Variants in PHF21A observed in about 807,000 individuals in gnomAD.
The protein encoded by PHF21A is BHC80a.
A neutral mutation model predicts 82.5 loss-of-function variants in PHF21A; 11 were observed. That is an observed-to-expected ratio of 0.13 (90% confidence interval 0.08 to 0.22). The LOEUF (loss-of-function observed/expected upper bound fraction) is 0.22. Among genes scored for constraint, PHF21A ranks in the 10% least tolerant of loss-of-function variants. The pLI, the probability that PHF21A is intolerant of heterozygous loss-of-function variation, is 1.00. For missense variants in PHF21A, 579 were observed against 837.8 expected (o/e 0.69, Z 3.81); for synonymous variants, 297 against 302.8 (o/e 0.98, Z 0.20).
At chr11:45,986,021 T>G (rs2094477766) in intron 6 of PHF21A, among the ~76,000 whole-genome samples, 1 of 151,452 alleles carries the variant, frequency 6.6e-6, no homozygotes, top group South Asian at 2.1e-4. Context: ...ATCATGGTAT[T>G]GATTAGACTT....
At chr11:46,033,594 C>T (rs1425745988) in intron 6 of PHF21A, among the ~76,000 whole-genome samples, 1 of 152,152 alleles carries the variant, frequency 6.6e-6, no homozygotes, top group East Asian at 1.9e-4. Flanking sequence ...AAGGCTGCTA[C>T]AAATATTCTC....
chr11:46,057,334 T>C (rs1400754079), intron 6 of PHF21A, among the ~76,000 whole-genome samples: 2 of 152,162 alleles, frequency 1.3e-5, no homozygotes, highest in African/African-American at 4.8e-5. Flanking sequence ...GGATTCCTCA[T>C]TTAAACCAAA....
chr11:45,998,967 C>T (rs1276516917), intron 6 of PHF21A, among the ~76,000 whole-genome samples: 1 of 152,084 alleles, frequency 6.6e-6, no homozygotes, highest in Non-Finnish European at 1.5e-5. Context: ...GCTGGGATTA[C>T]AGGCACCTGC....
rs58644528 is a variant in PHF21A at position 45,964,200 on chromosome 11, A to AAATAATAATAATAATAATAATAAT, written c.996+1091_996+1114dup. Among the ~76,000 whole-genome samples the AAATAATAATAATAATAATAATAAT allele has an allele frequency of 2.1e-3, 277 of 134,604 alleles. 2 individuals carry two copies. The highest frequency in any genetic ancestry group is 2.5e-3 in the Non-Finnish European group (161 of 63,738). 88.3% of individuals were successfully genotyped at this position (134,604 alleles called of 152,430 possible). A position where few individuals can be genotyped will look rare whatever the true frequency, so the allele number is the denominator to read the frequency against. Reference sequence around the variant, plus strand: ...GCAACAAGAGTGAAACTCCATCTCAAAATAATAATAATAATAATAATAATA... The same window carrying AAATAATAATAATAATAATAATAAT: ...GCAACAAGAGTGAAACTCCATCTCAAAATAATAATAATAATAATAATAATAATAATAATAATAATAATAATAATA... On this transcript the variant is annotated intron_variant, in intron 10 of 18. Coordinates refer to ENST00000676320, the MANE Select transcript of PHF21A (RefSeq NM_001352027.3).
rs371914854 is a variant in PHF21A, at chr11:45,951,807, A to ATTT, written c.1096-1553_1096-1551dup. Reference sequence around the variant, plus strand: ...AAAAATGTCCTCTCTTGTGGAATAAATTTTTTTTTTTTTTTTTGAGGCGGA... The same window carrying ATTT: ...AAAAATGTCCTCTCTTGTGGAATAAATTTTTTTTTTTTTTTTTTTTGAGGCGGA... On this transcript the variant is annotated intron_variant, in intron 11 of 18. Coordinates refer to ENST00000676320, the MANE Select transcript of PHF21A (RefSeq NM_001352027.3). 2.0e-4 allele frequency among the ~76,000 whole-genome samples: 25 copies of ATTT among 124,336 alleles called. 1 individual carries two copies. Among genetic ancestry groups the ATTT allele is most frequent in the East Asian group, 2.3e-4 (1 of 4,266 alleles). 81.6% of individuals were successfully genotyped at this position (124,336 alleles called of 152,430 possible). A position where few individuals can be genotyped will look rare whatever the true frequency, so the allele number is the denominator to read the frequency against.
chr11:46,060,885 C>A (rs1307416233), intron 6 of PHF21A, among the ~76,000 whole-genome samples: 1 of 152,178 alleles, frequency 6.6e-6, no homozygotes, highest in African/African-American at 2.4e-5. Flanking sequence ...AATCTGTGCC[C>A]ATGCTTATGT....
At chr11:46,072,988 C>G (rs2096672028) in intron 6 of PHF21A, among the ~76,000 whole-genome samples, 1 of 152,148 alleles carries the variant, frequency 6.6e-6, no homozygotes, top group South Asian at 2.1e-4. Context: ...ATCAAAAAAT[C>G]AGGGTGTGGG....
chr11:46,104,226 C>T (rs1056869455), intron 1 of PHF21A, among the ~76,000 whole-genome samples: 1 of 152,156 alleles, frequency 6.6e-6, no homozygotes, highest in Non-Finnish European at 1.5e-5. Context: ...CTAGTTGTTA[C>T]ACCCAAGCAT....
chr11:45,992,898 G>A (rs1323769568), intron 6 of PHF21A, among the ~76,000 whole-genome samples: 1 of 152,180 alleles, frequency 6.6e-6, no homozygotes, highest in Non-Finnish European at 1.5e-5. Context: ...AGGATAAACT[G>A]AAATCCGTTC....
intron 3 of PHF21A, 104 bp from the exon 4 acceptor site, chr11:46,084,406 G>A: frequency 2.3e-6 from 1 of 440,908 alleles, no homozygotes. Flanking sequence ...CTCTAACGCA[G>A]GGCAAGAAAT....
At chr11:45,948,442 T>C (rs575251342) in intron 14 of PHF21A, among the ~76,000 whole-genome samples, 84 of 152,352 alleles carry the variant, frequency 5.5e-4, no homozygotes, top group Middle Eastern at 3.4e-3. Context: ...CTTTCCTTCC[T>C]GGAAAGTCTG....
At chr11:45,981,940 C>CTTTTTTTTTTTTTTTTTTTTT (rs754937092) in intron 6 of PHF21A, among the ~76,000 whole-genome samples, 14 of 78,278 alleles carry the variant, frequency 1.8e-4, no homozygotes, top group East Asian at 4.5e-4. Context: ...TTTTGTTTTT[C>CTTTTTTTTTTTTTTTTTTTTT]TTTTTTTTTT....
At position 46,091,129 on chromosome 11, in the gene PHF21A, G is replaced by A. The variant is rs562341944; in HGVS notation, c.-195-563C>T. On this transcript the variant is annotated intron_variant, in intron 2 of 18. Transcript: ENST00000676320. ...ATGTTCAAATCCCAGTCCCCAAAAG[G>A]AAGAGAGACACCACAAGCACCATAA... Among the ~76,000 whole-genome samples the A allele has an allele frequency of 6.6e-5, 10 of 152,166 alleles. No individual in the cohort carries two copies. In the East Asian group the frequency reaches 9.6e-4, roughly 15 times the overall value.
Position 45,933,780 on chromosome 11 carries a change from C to T in PHF21A, c.*188G>A, listed in dbSNP as rs892263466. The T allele has an allele frequency of 5.1e-5, 25 of 490,730 alleles. 1 individual carries two copies. Among genetic ancestry groups the T allele is most frequent in the African/African-American group, 4.8e-4 (24 of 50,458 alleles). The allele number at this position is 490,730 out of a possible 1,614,324, so 30.4% of individuals were successfully genotyped here. A position where few individuals can be genotyped will look rare whatever the true frequency, so the allele number is the denominator to read the frequency against. ...TAACATGGTCCAATCTTTGCATGTA[C>T]ACACAGAATAAGAAGGATCAATTGG... is the stretch of plus-strand genomic sequence containing the variant. On this transcript the variant is annotated 3_prime_UTR_variant, in exon 19 of 19. Coordinates refer to ENST00000676320, the MANE Select transcript of PHF21A (RefSeq NM_001352027.3).
intron 7 of PHF21A, among the ~76,000 whole-genome samples, chr11:45,976,254 G>A (rs2946004): frequency 6.6e-6 from 1 of 151,852 alleles, no homozygotes; most frequent in Non-Finnish European, 1.5e-5. Context: ...CATCTGACAG[G>A]GCCCTGCTCA....
chr11:46,019,660 CA>C (rs1467670742), intron 6 of PHF21A, among the ~76,000 whole-genome samples: 1 of 152,170 alleles, frequency 6.6e-6, no homozygotes, highest in Non-Finnish European at 1.5e-5. Context: ...TTAACTTAAG[CA>C]ATCAGACGGC....
intron 6 of PHF21A, among the ~76,000 whole-genome samples, chr11:46,002,330 A>T (rs2095158365): frequency 6.6e-6 from 1 of 152,204 alleles, no homozygotes. Context: ...TCATAACTAG[A>T]ATGCATAGTC....
At chr11:45,944,415 T>C (rs2135345923) in intron 15 of PHF21A, among the ~76,000 whole-genome samples, 1 of 152,298 alleles carries the variant, frequency 6.6e-6, no homozygotes, top group African/African-American at 2.4e-5. Context: ...TTGTAACTTT[T>C]CTGTAGGTTT....
At chr11:45,962,720 C>T (rs1331431343) in intron 10 of PHF21A, among the ~76,000 whole-genome samples, 1 of 129,478 alleles carries the variant, frequency 7.7e-6, no homozygotes, top group African/African-American at 2.9e-5. Flanking sequence ...GGTGAAACCC[C>T]ATCTCTACTA....
Sources: gnomAD v4.1 joint callset for allele counts (sites outside exome capture counted in the v4.1 genomes callset) on GRCh38, gnomAD v4.1.1 for gene constraint, MANE v1.5 for transcripts, NCBI Gene and HGNC (gene_info 2026-07-23, HGNC 2026-07-21) for gene names.